BACH2: variants seen among roughly 807,000 people sequenced by gnomAD.
BACH2 encodes the protein transcription regulator protein BACH2.
In BACH2, 5 loss-of-function variants were observed where a neutral mutation model predicts 61.8. The observed-to-expected ratio is 0.08, with a 90% CI of 0.04 to 0.17. BACH2 has a LOEUF of 0.17. Ranked by LOEUF, BACH2 falls within the 10% of genes least tolerant of loss-of-function variation. The pLI is 1.00. For missense variants in BACH2, 824 were observed against 1,091.1 expected (o/e 0.76, Z 3.45); for synonymous variants, 446 against 440.1 (o/e 1.01, Z -0.17).
At chr6:90,173,267 C>T (rs1767878900) in intron 4 of BACH2, among the ~76,000 whole-genome samples, 1 of 152,154 alleles carries the variant, frequency 6.6e-6, no homozygotes, top group East Asian at 1.9e-4. Context: ...TGCTAAACAA[C>T]ATACATCAAC....
chr6:90,107,503 A>G (rs1184112804), intron 4 of BACH2, among the ~76,000 whole-genome samples: 1 of 152,188 alleles, frequency 6.6e-6, no homozygotes, highest in Non-Finnish European at 1.5e-5. Context: ...ACATAGAACT[A>G]TCTTTCACCT....
Position 89,930,059 on chromosome 6 carries a change from C to T in BACH2, c.*2349G>A. 6.7e-6 allele frequency: 1 copy of T among 150,348 alleles called. No individual in the cohort carries two copies. Among genetic ancestry groups the T allele is most frequent in the African/African-American group, 2.5e-5 (1 of 40,664 alleles). 9.3% of individuals were successfully genotyped at this position (150,348 alleles called of 1,614,324 possible). A position where few individuals can be genotyped will look rare whatever the true frequency, so the allele number is the denominator to read the frequency against. ...GTCCTAGTAGGCCAAGAAATTCCAA[C>T]AACCATAACAAAAACCAGCAGCTCC... On this transcript the variant is annotated 3_prime_UTR_variant, in exon 9 of 9. Coordinates refer to ENST00000257749, the MANE Select transcript of BACH2 (RefSeq NM_021813.4).
intron 4 of BACH2, among the ~76,000 whole-genome samples, chr6:90,201,136 TA>T (rs1337403348): frequency 4.6e-5 from 7 of 152,222 alleles, no homozygotes; most frequent in African/African-American, 1.7e-4. Context: ...ATTACTATTT[TA>T]AGAATATTGT....
intron 5 of BACH2, among the ~76,000 whole-genome samples, chr6:90,039,183 A>G (rs527759372): frequency 6.6e-6 from 1 of 152,184 alleles, no homozygotes; most frequent in African/African-American, 2.4e-5. Context: ...CCAATTCTCT[A>G]TTGGCAGCTA....
chr6:90,075,674 A>G (rs1473022886), intron 5 of BACH2, among the ~76,000 whole-genome samples: 3 of 152,186 alleles, frequency 2.0e-5, no homozygotes, highest in Non-Finnish European at 4.4e-5. Flanking sequence ...AAAACCTGCC[A>G]TTTGGAAGCC....
chr6:90,098,292 C>A (rs1782466004), intron 4 of BACH2, among the ~76,000 whole-genome samples: 3 of 151,898 alleles, frequency 2.0e-5, no homozygotes, highest in Admixed American at 2.0e-4. Flanking sequence ...GCAACCCCCA[C>A]CCTTCCCTTC....
At chr6:90,015,530 A>G (rs1778013231) in intron 5 of BACH2, among the ~76,000 whole-genome samples, 1 of 152,194 alleles carries the variant, frequency 6.6e-6, no homozygotes, top group Non-Finnish European at 1.5e-5. Context: ...TAATGCACAA[A>G]TGATTTACAC....
At chr6:90,202,920 T>G (rs1769004498) in intron 4 of BACH2, among the ~76,000 whole-genome samples, 1 of 152,196 alleles carries the variant, frequency 6.6e-6, no homozygotes. Flanking sequence ...CCTGTTCAAT[T>G]GGCTTCCCAT....
intron 5 of BACH2, among the ~76,000 whole-genome samples, chr6:90,010,041 G>A (rs1440754193): frequency 2.6e-5 from 4 of 152,242 alleles, no homozygotes; most frequent in African/African-American, 9.6e-5. Context: ...GTTTGCTAGA[G>A]TAGTAAGAAT....
At chr6:89,996,270 T>C (rs952400408) in intron 6 of BACH2, among the ~76,000 whole-genome samples, 10 of 152,228 alleles carry the variant, frequency 6.6e-5, no homozygotes, top group Admixed American at 2.6e-4. Context: ...TACCCAGGTG[T>C]AGACCTTCCT....
chr6:89,936,148 G>A (rs1360021706), intron 8 of BACH2, among the ~76,000 whole-genome samples: 2 of 152,198 alleles, frequency 1.3e-5, no homozygotes, highest in African/African-American at 2.4e-5. Flanking sequence ...TGTCCTTGAG[G>A]AACTGACAGT....
In BACH2 at chr6:89,931,992, T is replaced by TA. The variant is rs1772679712; in HGVS notation, c.*415dup. ...TATATTATATATAATATGTACAGTC[T>TA]AGCTATAAAACTTTGATGTGTATAG... is the stretch of plus-strand genomic sequence containing the variant. On this transcript the variant is annotated 3_prime_UTR_variant, in exon 9 of 9. Coordinates refer to ENST00000257749, the MANE Select transcript of BACH2 (RefSeq NM_021813.4). The TA allele has an allele frequency of 6.4e-6, 1 of 156,316 alleles. No homozygotes were observed. The highest frequency in any genetic ancestry group is 1.9e-4 in the South Asian group (1 of 5,370). 9.7% of individuals were successfully genotyped at this position (156,316 alleles called of 1,614,324 possible). A position where few individuals can be genotyped will look rare whatever the true frequency, so the allele number is the denominator to read the frequency against.
intron 4 of BACH2, among the ~76,000 whole-genome samples, chr6:90,150,359 G>T (rs1230991783): frequency 6.6e-6 from 1 of 152,188 alleles, no homozygotes. Flanking sequence ...GAGCCTCAGA[G>T]TCTACTGAGT....
At chr6:90,286,232 G>A (rs1189749367) in intron 1 of BACH2, among the ~76,000 whole-genome samples, 1 of 152,154 alleles carries the variant, frequency 6.6e-6, no homozygotes, top group African/African-American at 2.4e-5. Flanking sequence ...TTTTTCAGAG[G>A]GGACTTACTT....
intron 1 of BACH2, among the ~76,000 whole-genome samples, chr6:90,294,290 C>T (rs577831752): frequency 1.3e-5 from 2 of 152,250 alleles, no homozygotes; most frequent in Admixed American, 6.5e-5. Context: ...CAATGCAAAA[C>T]GAAAATACGG....
chr6:90,059,983 G>C lies in BACH2; in HGVS notation c.-13+28978C>G, dbSNP rs553114539. 1.1e-4 allele frequency among the ~76,000 whole-genome samples: 12 copies of C among 113,676 alleles called. No individual in the cohort carries two copies. In the Admixed American group the frequency reaches 1.2e-3, roughly 11 times the overall value. The allele number at this position is 113,676 out of a possible 152,430, so 74.6% of individuals were successfully genotyped here. On this transcript the variant is annotated intron_variant, in intron 5 of 8. Transcript: ENST00000257749. ...CACACCAGGGACTGTTGTGGGGTGGGGGGAGGGGGGAGGGATAGCATTAGG... is the reference window on the plus strand; with the variant it reads ...CACACCAGGGACTGTTGTGGGGTGGCGGGAGGGGGGAGGGATAGCATTAGG...
chr6:90,192,654 C>G (rs1428578038), intron 4 of BACH2, among the ~76,000 whole-genome samples: 1 of 152,204 alleles, frequency 6.6e-6, no homozygotes, highest in African/African-American at 2.4e-5. Flanking sequence ...GAAAATCACT[C>G]TAACCACAAG....
At chr6:90,214,012 A>G (rs1769443803) in intron 3 of BACH2, among the ~76,000 whole-genome samples, 2 of 152,212 alleles carry the variant, frequency 1.3e-5, no homozygotes, top group Admixed American at 1.3e-4. Flanking sequence ...TCAGCAAGGC[A>G]CTATTTGGGT....
intron 4 of BACH2, among the ~76,000 whole-genome samples, chr6:90,121,545 TAA>T (rs1783625775): frequency 2.0e-5 from 3 of 152,174 alleles, no homozygotes; most frequent in Admixed American, 6.5e-5. Flanking sequence ...ATTAATTAAT[TAA>T]TTAATTTATT....
Sources: gnomAD v4.1 joint callset for allele counts (sites outside exome capture counted in the v4.1 genomes callset) on GRCh38, gnomAD v4.1.1 for gene constraint, MANE v1.5 for transcripts, NCBI Gene and HGNC (gene_info 2026-07-23, HGNC 2026-07-21) for gene names.